The following LIG1 variants were observed in gnomAD, a reference collection of about 807,000 sequenced individuals.
The protein encoded by LIG1 is DNA ligase 1, also known as ligase I, DNA, ATP-dependent.
Under a neutral mutation model 115.7 loss-of-function variants are expected in LIG1, and 70 were observed. The ratio of observed to expected loss-of-function variants is 0.60; its 90% CI spans 0.50 to 0.74. LIG1 has a LOEUF of 0.74. Ranked by LOEUF, LIG1 falls within the 30% of genes least tolerant of loss-of-function variation. The pLI is 0.00. For missense variants in LIG1, 1,115 were observed against 1,225.6 expected (o/e 0.91, Z 1.35); for synonymous variants, 487 against 495.3 (o/e 0.98, Z 0.22).
intron 24 of LIG1, 107 bp downstream of exon 24, chr19:48,121,063 C>T: frequency 1.3e-6 from 2 of 1,595,546 alleles, no homozygotes; most frequent in South Asian, 2.2e-5. Context: ...GGATCCTTCA[C>T]AGGGGGATGT....
chr19:48,165,708 AG>A, intron 1 of LIG1, 85 bp from the exon 2 acceptor site: 4 of 919,372 alleles, frequency 4.4e-6, no homozygotes, highest in Non-Finnish European at 5.0e-6. Context: ...TAAGAAAGAA[AG>A]AAAAAAAAAA....
chr19:48,125,632 A>G (rs994910508), intron 21 of LIG1, among the ~76,000 whole-genome samples: 4 of 152,238 alleles, frequency 2.6e-5, no homozygotes, highest in African/African-American at 7.2e-5. Context: ...TTGATCATCA[A>G]TATCCATTAA....
At chr19:48,133,400 G>C (rs977341483) in intron 17 of LIG1, 3 of 422,358 alleles carry the variant, frequency 7.1e-6, no homozygotes, top group Non-Finnish European at 1.3e-5. Flanking sequence ...CCCACAATTA[G>C]AACAGGGAAG....
rs979227267 is a variant in LIG1 at position 48,137,940 on chromosome 19, C to T, written c.1088-252G>A. ...CGGTGGATGAACGAGCATGACCACA[C>T]TCAGGGGAGACATCTGGGCCGGTGT... On this transcript the variant is annotated intron_variant, in intron 12 of 27. Transcript: ENST00000263274. The surrounding 1 kb of genome is among the most constrained non-coding windows in gnomAD (Gnocchi z 4.3). The T allele has an allele frequency of 1.7e-6, 1 of 584,284 alleles. No homozygotes were observed. The highest frequency in any genetic ancestry group is 3.1e-6 in the Non-Finnish European group (1 of 322,590). The allele number at this position is 584,284 out of a possible 1,614,324, so 36.2% of individuals were successfully genotyped here.
intron 5 of LIG1, 123 bp from the exon 6 acceptor site, chr19:48,154,090 A>T (rs2035682824): frequency 1.3e-6 from 1 of 799,444 alleles, no homozygotes; most frequent in Non-Finnish European, 2.2e-6. Context: ...CTCTGCCTGC[A>T]CACAGTCACT....
rs2122857048 is a variant in LIG1 at position 48,151,348 on chromosome 19, A to C, written c.467-9T>G. ...TTTCGGGGTCTCCTCTTCTGACGAT[A>C]GACAGAACGGTCAGATGGCAAAAAA... is the stretch of plus-strand genomic sequence containing the variant. On this transcript the variant is annotated splice_polypyrimidine_tract_variant and intron_variant, in intron 6 of 27. Coordinates refer to ENST00000263274, the MANE Select transcript of LIG1 (RefSeq NM_000234.3). 3 of 1,551,678 alleles carry C rather than the reference A, an allele frequency of 1.9e-6. No homozygotes were observed. The highest frequency in any genetic ancestry group is 2.7e-6 in the Non-Finnish European group (3 of 1,123,030).
At chr19:48,153,422 T>C (rs940543091) in intron 6 of LIG1, among the ~76,000 whole-genome samples, 1 of 151,892 alleles carries the variant, frequency 6.6e-6, no homozygotes, top group Non-Finnish European at 1.5e-5. Context: ...GGAAAAATAG[T>C]TTCCATTAAA....
chr19:48,150,684 T>A (rs2035415370), intron 7 of LIG1, among the ~76,000 whole-genome samples: 1 of 152,200 alleles, frequency 6.6e-6, no homozygotes, highest in South Asian at 2.1e-4. Flanking sequence ...CTGAAAGCTA[T>A]GAATACTTTT....
chr19:48,135,891 G>GCGCCCCCCCCCCC, intron 15 of LIG1, 112 bp from the exon 16 acceptor site: 7 of 928,698 alleles, frequency 7.5e-6, no homozygotes, highest in East Asian at 5.5e-5. Flanking sequence ...GGCCCAAGAC[G>GCGCCCCCCCCCCC]CCCCCTCCCC....
At chr19:48,138,839 CGT>C (rs1203671147) in intron 12 of LIG1, among the ~76,000 whole-genome samples, 1 of 152,170 alleles carries the variant, frequency 6.6e-6, no homozygotes, top group East Asian at 1.9e-4. Flanking sequence ...TAACCGACCC[CGT>C]GTGTGCTGGG....
intron 1 of LIG1, among the ~76,000 whole-genome samples, chr19:48,168,022 C>T (rs1377576895): frequency 6.6e-6 from 1 of 152,070 alleles, no homozygotes; most frequent in African/African-American, 2.4e-5. Flanking sequence ...CCTGAGTGCT[C>T]AACTGCCTAG....
At chr19:48,154,018 C>A (rs1439442562) in intron 5 of LIG1, 51 bp from the exon 6 acceptor site, 1 of 1,491,752 alleles carries the variant, frequency 6.7e-7, no homozygotes, top group Non-Finnish European at 9.3e-7. Context: ...TCGTGTGCTC[C>A]CATCCCGGAG....
At chr19:48,164,073 CG>C (rs2036345294) in intron 2 of LIG1, among the ~76,000 whole-genome samples, 2 of 150,910 alleles carry the variant, frequency 1.3e-5, no homozygotes, top group Admixed American at 6.6e-5. Context: ...TGGTGAGAAA[CG>C]GATCATAGTA....
chr19:48,118,194 G>C (rs1043954752), intron 25 of LIG1, among the ~76,000 whole-genome samples: 3 of 152,282 alleles, frequency 2.0e-5, no homozygotes, highest in South Asian at 4.1e-4. Context: ...GCAATGGAGA[G>C]AGAGAACCAA....
chr19:48,120,338 G>C (rs2033176559), intron 24 of LIG1: 1 of 984,978 alleles, frequency 1.0e-6, no homozygotes, highest in East Asian at 1.1e-4. Flanking sequence ...GTACTTCCAG[G>C]GTAAAAAGGC....
chr19:48,123,130 A>C, intron 22 of LIG1, 44 bp downstream of exon 22: 1 of 1,613,220 alleles, frequency 6.2e-7, no homozygotes, highest in Non-Finnish European at 8.5e-7. Context: ...GGCCGGGGTC[A>C]GCGCAAGCTG....
chr19:48,132,913 C>G, intron 18 of LIG1, 69 bp downstream of exon 18: 2 of 1,168,382 alleles, frequency 1.7e-6, no homozygotes, highest in Non-Finnish European at 2.6e-6. Flanking sequence ...GCTCAGGCCT[C>G]AGTGACCCCA....
chr19:48,141,296 AT>A (rs1337733340), intron 11 of LIG1, among the ~76,000 whole-genome samples: 1 of 151,558 alleles, frequency 6.6e-6, no homozygotes, highest in Non-Finnish European at 1.5e-5. Context: ...TGCCCGGCTA[AT>A]TTTTTTTAAT....
intron 18 of LIG1, 38 bp from the exon 19 acceptor site, chr19:48,131,209 T>TCC: frequency 6.7e-7 from 1 of 1,497,334 alleles, no homozygotes; most frequent in African/African-American, 1.4e-5. Context: ...ATCAGCTGAG[T>TCC]CCCCTCATGT....
Sources: allele counts gnomAD v4.1 joint callset (sites outside exome capture counted in the v4.1 genomes callset), GRCh38; gene constraint gnomAD v4.1.1; non-coding constraint Gnocchi (gnomAD v3.1); transcripts MANE v1.5; gene names NCBI Gene and HGNC (gene_info 2026-07-23, HGNC 2026-07-21).